TC2N: variants seen among roughly 807,000 people sequenced by gnomAD.
TC2N encodes the protein tandem C2 domains, nuclear, also known as tandem C2 domains nuclear protein.
A neutral mutation model predicts 61.9 loss-of-function variants in TC2N; 51 were observed. That is an observed-to-expected ratio of 0.82 (90% confidence interval 0.66 to 1.04). The LOEUF (loss-of-function observed/expected upper bound fraction) is 1.04. Among genes scored for constraint, TC2N ranks in the 50% least tolerant of loss-of-function variants. The pLI, the probability that TC2N is intolerant of heterozygous loss-of-function variation, is 0.00. For synonymous variants in TC2N, 204 were observed against 192.6 expected (o/e 1.06, Z -0.49); for missense variants, 556 against 566.7 (o/e 0.98, Z 0.19).
intron 7 of TC2N, 141 bp from the exon 8 acceptor site, chr14:91,798,042 T>G (rs942810788): frequency 1.7e-6 from 1 of 592,486 alleles, no homozygotes; most frequent in African/African-American, 1.9e-5. Flanking sequence ...GCATCCACAT[T>G]AAGCAAATTT....
intron 11 of TC2N, among the ~76,000 whole-genome samples, chr14:91,784,359 A>C (rs1305801782): frequency 6.6e-6 from 1 of 152,214 alleles, no homozygotes; most frequent in Non-Finnish European, 1.5e-5. Context: ...AAATGATAAA[A>C]CAACATTTTA....
In TC2N at chr14:91,779,886, C is replaced by G. The variant is rs1431237664; in HGVS notation, c.*3214G>C. The G allele has an allele frequency of 6.6e-6, 1 of 152,152 alleles. No individual in the cohort carries two copies. Among genetic ancestry groups the G allele is most frequent in the Non-Finnish European group, 1.5e-5 (1 of 68,034 alleles). The allele number at this position is 152,152 out of a possible 1,614,324, so 9.4% of individuals were successfully genotyped here. A position where few individuals can be genotyped will look rare whatever the true frequency, so the allele number is the denominator to read the frequency against. On this transcript the variant is annotated 3_prime_UTR_variant, in exon 12 of 12. Transcript: ENST00000435962. ...TACTAAAACTGTAGGCCACATTCAT[C>G]TTCCTACAATTCTTCACCCACAAAA...
At position 91,792,519 on chromosome 14, in the gene TC2N, G is replaced by T; in HGVS notation, c.895C>A (p.Leu299Ile). The T allele has an allele frequency of 6.3e-7, 1 of 1,590,036 alleles. No homozygotes were observed. Among genetic ancestry groups the T allele is most frequent in the African/African-American group, 1.3e-5 (1 of 74,268 alleles). The change falls in exon 9 of 12, where the codon CTT becomes ATT. Residue 299 changes from leucine (L) to isoleucine (I), a missense_variant. Transcript: ENST00000435962. ...AGTCTTACAGTTTGTAGATTTTGAA[G>T]TTTAATAGCAAATACAAACGTTTCC... is the stretch of plus-strand genomic sequence containing the variant. Reference protein sequence around the residue: ...FMETFVFAIKLQNLQTVRLVF... With the variant: ...FMETFVFAIKIQNLQTVRLVF...
intron 1 of TC2N, among the ~76,000 whole-genome samples, chr14:91,835,795 A>T (rs1887970954): frequency 6.6e-6 from 1 of 152,224 alleles, no homozygotes. Context: ...AGCTCTTCTC[A>T]TCAGACCCCG....
At chr14:91,859,186 C>T (rs1292493552) in intron 1 of TC2N, among the ~76,000 whole-genome samples, 1 of 152,152 alleles carries the variant, frequency 6.6e-6, no homozygotes, top group Non-Finnish European at 1.5e-5. Flanking sequence ...GCCATCTTCA[C>T]AATACCTTCA....
chr14:91,798,550 T>C (rs879153705), intron 6 of TC2N, 151 bp from the exon 7 acceptor site: 6 of 598,332 alleles, frequency 1.0e-5, no homozygotes, highest in Non-Finnish European at 1.5e-5. Flanking sequence ...AATCACACTT[T>C]AATATATTTA....
At chr14:91,833,652 T>C (rs1191117082) in intron 1 of TC2N, among the ~76,000 whole-genome samples, 5 of 152,194 alleles carry the variant, frequency 3.3e-5, no homozygotes, top group African/African-American at 1.2e-4. Flanking sequence ...TAACCACTGA[T>C]GTGTTTTTCC....
chr14:91,800,883 TA>T (rs1378732135), intron 4 of TC2N, among the ~76,000 whole-genome samples: 1 of 151,948 alleles, frequency 6.6e-6, no homozygotes, highest in African/African-American at 2.4e-5. Flanking sequence ...GGCAGGCCCT[TA>T]AATAAGCATT....
In TC2N at chr14:91,794,748, A is replaced by G. The variant is rs542624827; in HGVS notation, c.856-2190T>C. ...CTGACAGAGATGTATACAGAGATGAATGTTATTTTCATGTCTGCAAACACA... is the reference window on the plus strand; with the variant it reads ...CTGACAGAGATGTATACAGAGATGAGTGTTATTTTCATGTCTGCAAACACA... On this transcript the variant is annotated intron_variant, in intron 8 of 11. Transcript: ENST00000435962. Among the ~76,000 whole-genome samples the G allele has an allele frequency of 8.3e-4, 127 of 152,260 alleles. 3 individuals carry two copies. In the South Asian group the frequency reaches 0.025, roughly 30 times the overall value.
At chr14:91,818,277 A>G (rs1887092450) in intron 1 of TC2N, among the ~76,000 whole-genome samples, 1 of 152,174 alleles carries the variant, frequency 6.6e-6, no homozygotes, top group African/African-American at 2.4e-5. Flanking sequence ...ATCAGCACAC[A>G]CACAAAAAAA....
chr14:91,842,697 T>G (rs1481745402), intron 1 of TC2N, among the ~76,000 whole-genome samples: 1 of 152,100 alleles, frequency 6.6e-6, no homozygotes, highest in Non-Finnish European at 1.5e-5. Context: ...GGAAATGGAA[T>G]GAAAATTAGG....
chr14:91,841,289 G>A (rs1316220052), intron 1 of TC2N, among the ~76,000 whole-genome samples: 1 of 152,190 alleles, frequency 6.6e-6, no homozygotes, highest in African/African-American at 2.4e-5. Context: ...ACCTCTGTAT[G>A]GACTGGAAGA....
At chr14:91,807,186 G>A (rs1006632223) in intron 3 of TC2N, among the ~76,000 whole-genome samples, 1 of 152,222 alleles carries the variant, frequency 6.6e-6, no homozygotes, top group African/African-American at 2.4e-5. Context: ...TGCTGCAGAG[G>A]TGGGGCCCTC....
rs1888014477 is a variant in TC2N at position 91,836,503 on chromosome 14, ACT to A, written c.-56-22680_-56-22679del. The A allele has an allele frequency of 3.8e-5, 4 of 104,620 alleles. No individual in the cohort carries two copies. The Admixed American group carries it at 4.0e-4, about 10-fold the overall frequency. The allele number at this position is 104,620 out of a possible 1,614,324, so 6.5% of individuals were successfully genotyped here. A position where few individuals can be genotyped will look rare whatever the true frequency, so the allele number is the denominator to read the frequency against. ...CCCTATCACTTACCCCCTCCCCTCC[ACT>A]TCCCTCCCCGTACCCACTCCCACAC... On this transcript the variant is annotated intron_variant, in intron 1 of 11. Coordinates refer to ENST00000435962, the MANE Select transcript of TC2N (RefSeq NM_001128596.3).
intron 1 of TC2N, among the ~76,000 whole-genome samples, chr14:91,847,519 G>A (rs902479230): frequency 4.6e-5 from 7 of 152,192 alleles, no homozygotes; most frequent in Admixed American, 3.9e-4. Flanking sequence ...CTCTAAGGAA[G>A]CCCACACAGT....
intron 3 of TC2N, 35 bp downstream of exon 3, chr14:91,812,277 T>C: frequency 1.7e-6 from 2 of 1,190,828 alleles, no homozygotes; most frequent in Non-Finnish European, 2.4e-6. Context: ...AAATGCTACA[T>C]ATCGATTTTT....
intron 8 of TC2N, among the ~76,000 whole-genome samples, chr14:91,793,098 C>G (rs1401571345): frequency 6.6e-6 from 1 of 152,170 alleles, no homozygotes; most frequent in East Asian, 1.9e-4. Flanking sequence ...AAATCTAACT[C>G]CTTGATAGAG....
intron 1 of TC2N, among the ~76,000 whole-genome samples, chr14:91,826,837 C>T (rs1323116886): frequency 1.3e-5 from 2 of 152,102 alleles, no homozygotes; most frequent in Non-Finnish European, 2.9e-5. Context: ...TCTAGAAATG[C>T]TTTTACCCTG....
intron 1 of TC2N, among the ~76,000 whole-genome samples, chr14:91,839,810 C>A (rs1188784045): frequency 6.6e-6 from 1 of 152,168 alleles, no homozygotes; most frequent in African/African-American, 2.4e-5. Flanking sequence ...TGAGTGCCTG[C>A]CATGTAACAG....
Sources: gnomAD v4.1 joint callset for allele counts (sites outside exome capture counted in the v4.1 genomes callset) on GRCh38, gnomAD v4.1.1 for gene constraint, MANE v1.5 for transcripts, NCBI Gene and HGNC (gene_info 2026-07-23, HGNC 2026-07-21) for gene names.